The following ULK4 variants were observed in gnomAD, a reference collection of about 807,000 sequenced individuals.
The protein encoded by ULK4 is unc-51 like kinase 4.
A neutral mutation model predicts 160.6 loss-of-function variants in ULK4; 133 were observed. The ratio of observed to expected loss-of-function variants is 0.83; its 90% confidence interval spans 0.72 to 0.96. The LOEUF (loss-of-function observed/expected upper bound fraction) is 0.96, where lower values mean the gene tolerates loss of function less well. Ranked by LOEUF, ULK4 falls within the 40% of genes least tolerant of loss-of-function variation. ULK4 has a pLI of 0.00. For synonymous variants in ULK4, 534 were observed against 539.8 expected (o/e 0.99, Z 0.15); for missense variants, 1,580 against 1,499.5 (o/e 1.05, Z -0.89).
At chr3:41,929,528 A>T (rs1699510734) in intron 5 of ULK4, among the ~76,000 whole-genome samples, 2 of 152,220 alleles carry the variant, frequency 1.3e-5, no homozygotes, top group African/African-American at 4.8e-5. Context: ...AGGGTATTCA[A>T]ATAGGCAGAG....
At chr3:41,532,338 A>G (rs566159806) in intron 32 of ULK4, among the ~76,000 whole-genome samples, 5 of 152,174 alleles carry the variant, frequency 3.3e-5, no homozygotes, top group Non-Finnish European at 4.4e-5. Flanking sequence ...CACCTTCACC[A>G]TGAGGCTACC....
intron 27 of ULK4, among the ~76,000 whole-genome samples, chr3:41,686,939 T>C (rs1227649616): frequency 6.6e-6 from 1 of 152,192 alleles, no homozygotes; most frequent in African/African-American, 2.4e-5. Flanking sequence ...ATTCTGAGGC[T>C]AGGCACAGTG....
In ULK4 at chr3:41,296,809, C is replaced by T. The variant is rs887420131; in HGVS notation, c.3679-47235G>A. On this transcript the variant is annotated intron_variant, in intron 35 of 36. Transcript: ENST00000301831. ...CAGAGGACATCCAGTGGAGTAAGAACAAACAGAACGAGGCCACTGAAGGGA... is the reference window on the plus strand; with the variant it reads ...CAGAGGACATCCAGTGGAGTAAGAATAAACAGAACGAGGCCACTGAAGGGA... Among the ~76,000 whole-genome samples, 13 of 151,600 alleles carry T rather than the reference C, an allele frequency of 8.6e-5. 1 individual carries two copies. The highest frequency in any genetic ancestry group is 3.2e-4 in the African/African-American group (13 of 41,220).
intron 22 of ULK4, among the ~76,000 whole-genome samples, chr3:41,749,377 G>C (rs1204628352): frequency 2.0e-5 from 3 of 152,122 alleles, no homozygotes; most frequent in Non-Finnish European, 4.4e-5. Flanking sequence ...CAGCTACTCA[G>C]GAGGCTGAGG....
chr3:41,671,114 G>A (rs1029933698), intron 29 of ULK4, among the ~76,000 whole-genome samples: 1 of 152,060 alleles, frequency 6.6e-6, no homozygotes, highest in Non-Finnish European at 1.5e-5. Flanking sequence ...AATATCCCAT[G>A]CTCACAGATC....
At chr3:41,598,077 G>T (rs1266263520) in intron 31 of ULK4, among the ~76,000 whole-genome samples, 8 of 152,146 alleles carry the variant, frequency 5.3e-5, no homozygotes, top group Non-Finnish European at 8.8e-5. Context: ...GCCCCTTGGG[G>T]GTGAGTGGAC....
chr3:41,922,186 G>GA (rs1699208815), intron 5 of ULK4, among the ~76,000 whole-genome samples: 1 of 151,948 alleles, frequency 6.6e-6, no homozygotes, highest in Non-Finnish European at 1.5e-5. Flanking sequence ...TAAGAAAGCT[G>GA]AAAAAATAAA....
chr3:41,862,230 GC>G (rs2042514677), intron 17 of ULK4, among the ~76,000 whole-genome samples: 4 of 142,530 alleles, frequency 2.8e-5, no homozygotes, highest in African/African-American at 1.2e-4. Context: ...CAGAATTTCT[GC>G]TTGATTGTTT....
At chr3:41,561,294 A>C (rs547708217) in intron 32 of ULK4, among the ~76,000 whole-genome samples, 1 of 152,192 alleles carries the variant, frequency 6.6e-6, no homozygotes, top group South Asian at 2.1e-4. Context: ...TTTTGCATCA[A>C]TGTTCATCAA....
At chr3:41,615,742 A>T in intron 30 of ULK4, 25 bp from the exon 31 acceptor site, 1 of 1,606,864 alleles carries the variant, frequency 6.2e-7, no homozygotes, top group Non-Finnish European at 8.5e-7. Context: ...AAAAAAAGAT[A>T]AGTGCACATT....
chr3:41,908,008 G>A, intron 11 of ULK4, 67 bp from the exon 12 acceptor site: 4 of 1,178,422 alleles, frequency 3.4e-6, no homozygotes, highest in Non-Finnish European at 4.7e-6. Context: ...ACTGTTTTCT[G>A]GAAGAAAACA....
At chr3:41,520,731 T>C (rs911893749) in intron 32 of ULK4, among the ~76,000 whole-genome samples, 2 of 152,220 alleles carry the variant, frequency 1.3e-5, no homozygotes, top group African/African-American at 4.8e-5. Flanking sequence ...TATTTTTCCA[T>C]TGTTTCAATA....
chr3:41,549,750 C>G (rs2086995597), intron 32 of ULK4, among the ~76,000 whole-genome samples: 1 of 151,760 alleles, frequency 6.6e-6, no homozygotes, highest in African/African-American at 2.4e-5. Context: ...TATAGTCAAA[C>G]CGTCAAAAGT....
At chr3:41,530,337 G>C (rs1014046709) in intron 32 of ULK4, among the ~76,000 whole-genome samples, 5 of 152,180 alleles carry the variant, frequency 3.3e-5, no homozygotes, top group African/African-American at 1.2e-4. Flanking sequence ...TCAGAAAACT[G>C]AGACGAAATG....
chr3:41,499,447 G>A (rs2085109887), intron 32 of ULK4, among the ~76,000 whole-genome samples: 1 of 152,176 alleles, frequency 6.6e-6, no homozygotes, highest in African/African-American at 2.4e-5. Flanking sequence ...CAAAGTGGCA[G>A]CTTCTTTCCT....
intron 16 of ULK4, among the ~76,000 whole-genome samples, chr3:41,886,337 G>A (rs1180231177): frequency 2.0e-5 from 3 of 152,134 alleles, no homozygotes; most frequent in African/African-American, 2.4e-5. Context: ...AGGCAGGGCT[G>A]TATCCCGATC....
At chr3:41,505,642 C>A (rs1282283473) in intron 32 of ULK4, among the ~76,000 whole-genome samples, 1 of 151,986 alleles carries the variant, frequency 6.6e-6, no homozygotes, top group Non-Finnish European at 1.5e-5. Context: ...AATCTTATAG[C>A]AATTGATTTT....
chr3:41,925,616 C>T (rs1275762968), intron 5 of ULK4, among the ~76,000 whole-genome samples: 1 of 152,126 alleles, frequency 6.6e-6, no homozygotes, highest in Non-Finnish European at 1.5e-5. Context: ...CTCAGCGGGT[C>T]CCACCCCCAC....
intron 32 of ULK4, among the ~76,000 whole-genome samples, chr3:41,484,964 G>A (rs940013358): frequency 1.3e-5 from 2 of 152,052 alleles, no homozygotes; most frequent in East Asian, 1.9e-4. Flanking sequence ...TCATTTATAA[G>A]TCAATATTCT....
Sources: gnomAD v4.1 joint callset for allele counts (sites outside exome capture counted in the v4.1 genomes callset) on GRCh38, gnomAD v4.1.1 for gene constraint, MANE v1.5 for transcripts, NCBI Gene and HGNC (gene_info 2026-07-23, HGNC 2026-07-21) for gene names.